The following ACSS3 variants were observed in gnomAD, a reference collection of about 807,000 sequenced individuals.
The protein encoded by ACSS3 is acyl-CoA synthetase short chain family member 3.
A neutral mutation model predicts 84.2 loss-of-function variants in ACSS3; 64 were observed. The observed-to-expected ratio is 0.76, with a 90% confidence interval of 0.62 to 0.94. The LOEUF (loss-of-function observed/expected upper bound fraction) is 0.94. Among genes scored for constraint, ACSS3 ranks in the 40% least tolerant of loss-of-function variants. The pLI, the probability that ACSS3 is intolerant of heterozygous loss-of-function variation, is 0.00. For missense variants in ACSS3, 815 were observed against 867.6 expected (o/e 0.94, Z 0.76); for synonymous variants, 317 against 310.1 (o/e 1.02, Z -0.23).
At chr12:81,081,795 C>T (rs1880995502) in intron 1 of ACSS3, among the ~76,000 whole-genome samples, 1 of 152,164 alleles carries the variant, frequency 6.6e-6, no homozygotes, top group African/African-American at 2.4e-5. Flanking sequence ...AAGGAAAAGA[C>T]TAACTAAATG....
rs367648783 is a variant in ACSS3 at position 81,216,870 on chromosome 12, A to G, written c.1355-31A>G. ...AAACATTATGATTCCAAGTTAAAAC[A>G]TGAAGTGATAAATAACATTTCTTTT... On this transcript the variant is annotated intron_variant, in intron 9 of 15. Coordinates refer to ENST00000548058, the MANE Select transcript of ACSS3 (RefSeq NM_024560.4). 3,285 of 1,562,968 alleles carry G rather than the reference A, an allele frequency of 2.1e-3. 4 individuals are homozygous for G. Among genetic ancestry groups the G allele is most frequent in the Non-Finnish European group, 2.7e-3 (3,040 of 1,136,136 alleles).
intron 11 of ACSS3, among the ~76,000 whole-genome samples, chr12:81,228,519 A>G (rs1475507675): frequency 6.6e-6 from 1 of 151,840 alleles, no homozygotes; most frequent in Non-Finnish European, 1.5e-5. Flanking sequence ...AATTAATTAT[A>G]AGAATATATT....
intron 2 of ACSS3, among the ~76,000 whole-genome samples, chr12:81,119,980 G>A (rs113843238): frequency 0.1 from 15,912 of 152,076 alleles, 1,041 homozygotes; most frequent in East Asian, 0.21. Flanking sequence ...TTCCTCTGCC[G>A]TGGCTCCAGC....
At chr12:81,136,973 C>G (rs1227702313) in intron 3 of ACSS3, among the ~76,000 whole-genome samples, 1 of 151,882 alleles carries the variant, frequency 6.6e-6, no homozygotes, top group Non-Finnish European at 1.5e-5. Context: ...TTTACAAGCC[C>G]AAGATGAGAC....
intron 8 of ACSS3, among the ~76,000 whole-genome samples, chr12:81,197,884 A>C (rs1408788040): frequency 1.3e-5 from 2 of 152,048 alleles, no homozygotes; most frequent in Non-Finnish European, 2.9e-5. Flanking sequence ...TCTAGAGTTT[A>C]CAGGCAGCTT....
intron 8 of ACSS3, among the ~76,000 whole-genome samples, chr12:81,179,271 C>CAAAAAAAAAAAA (rs71098127): frequency 5.1e-4 from 34 of 66,754 alleles, no homozygotes; most frequent in East Asian, 2.9e-3. Context: ...AAGTAATTGC[C>CAAAAAAAAAAAA]AAAAAAAAAA....
chr12:81,249,002 A>G (rs867522733), intron 13 of ACSS3, among the ~76,000 whole-genome samples: 1 of 152,036 alleles, frequency 6.6e-6, no homozygotes, highest in African/African-American at 2.4e-5. Context: ...GCTCTAGAAT[A>G]GCTTTTTATC....
intron 8 of ACSS3, among the ~76,000 whole-genome samples, chr12:81,176,364 G>A (rs1007740152): frequency 6.6e-6 from 1 of 152,084 alleles, no homozygotes; most frequent in Admixed American, 6.5e-5. Flanking sequence ...GGATCACGCA[G>A]TCGAGACCAT....
intron 2 of ACSS3, among the ~76,000 whole-genome samples, chr12:81,116,713 TGTA>T (rs751569083): frequency 7.0e-4 from 106 of 152,244 alleles, no homozygotes; most frequent in African/African-American, 2.5e-3. Context: ...CAGTAGCTAA[TGTA>T]GGCCTCATAG....
chr12:81,225,020 T>A (rs554607218), intron 11 of ACSS3, among the ~76,000 whole-genome samples: 1 of 151,936 alleles, frequency 6.6e-6, no homozygotes, highest in Non-Finnish European at 1.5e-5. Flanking sequence ...TGTGCCTAAT[T>A]TATAAATTAA....
intron 3 of ACSS3, among the ~76,000 whole-genome samples, chr12:81,136,398 T>C (rs916759087): frequency 1.3e-5 from 2 of 152,222 alleles, no homozygotes; most frequent in Admixed American, 6.5e-5. Context: ...TAGGTGTGCA[T>C]TTTTCAATAA....
chr12:81,168,390 T>C (rs1887501171), intron 7 of ACSS3, among the ~76,000 whole-genome samples: 2 of 152,180 alleles, frequency 1.3e-5, no homozygotes. Context: ...TGACTCCTCT[T>C]CCATAGGAAA....
At chr12:81,216,679 A>G (rs1019415184) in intron 9 of ACSS3, among the ~76,000 whole-genome samples, 17 of 152,166 alleles carry the variant, frequency 1.1e-4, no homozygotes, top group African/African-American at 4.1e-4. Context: ...ACACTACTAT[A>G]TAAATTTTTC....
chr12:81,102,608 G>C (rs1348331957), intron 1 of ACSS3, among the ~76,000 whole-genome samples: 1 of 151,866 alleles, frequency 6.6e-6, no homozygotes, highest in Non-Finnish European at 1.5e-5. Flanking sequence ...AGATCACCAG[G>C]TCAAGAGATA....
At chr12:81,117,019 G>A (rs190213161) in intron 2 of ACSS3, among the ~76,000 whole-genome samples, 74 of 152,094 alleles carry the variant, frequency 4.9e-4, no homozygotes, top group East Asian at 1.9e-4. Context: ...TGGAAATCTG[G>A]TCCATGGCTT....
intron 2 of ACSS3, among the ~76,000 whole-genome samples, chr12:81,116,268 T>C (rs1440735787): frequency 1.3e-5 from 2 of 152,050 alleles, no homozygotes; most frequent in African/African-American, 2.4e-5. Flanking sequence ...GGACTTAATA[T>C]AAAGAAGATA....
chr12:81,237,447 G>C (rs1452679338), intron 13 of ACSS3, among the ~76,000 whole-genome samples: 3 of 151,562 alleles, frequency 2.0e-5, no homozygotes, highest in African/African-American at 7.3e-5. Flanking sequence ...TAAATTTTCT[G>C]ATAATTCTGA....
intron 13 of ACSS3, among the ~76,000 whole-genome samples, chr12:81,237,902 T>C (rs1281774539): frequency 4.6e-5 from 7 of 151,682 alleles, no homozygotes; most frequent in East Asian, 1.9e-4. Flanking sequence ...GTTGAAAATA[T>C]AGTTGAGGGT....
chr12:81,090,561 G>T (rs1881606208), intron 1 of ACSS3, among the ~76,000 whole-genome samples: 1 of 151,926 alleles, frequency 6.6e-6, no homozygotes, highest in Non-Finnish European at 1.5e-5. Context: ...TATATAAATT[G>T]CAGGTAGATA....
Sources: gnomAD v4.1 joint callset for allele counts (sites outside exome capture counted in the v4.1 genomes callset) on GRCh38, gnomAD v4.1.1 for gene constraint, MANE v1.5 for transcripts, NCBI Gene and HGNC (gene_info 2026-07-23, HGNC 2026-07-21) for gene names.